The following ST6GAL2 variants were observed in gnomAD, a reference collection of about 807,000 sequenced individuals.
The protein encoded by ST6GAL2 is beta-galactoside alpha-2,6-sialyltransferase 2.
Under a neutral mutation model 37.5 loss-of-function variants are expected in ST6GAL2, and 24 were observed. The observed-to-expected ratio is 0.64, with a 90% confidence interval of 0.46 to 0.90. The LOEUF (loss-of-function observed/expected upper bound fraction) is 0.90, where lower values mean the gene tolerates loss of function less well. ST6GAL2 is among the 40% of genes least tolerant of loss of function. The pLI, the probability that ST6GAL2 is intolerant of heterozygous loss-of-function variation, is 0.00. For synonymous variants in ST6GAL2, 306 were observed against 295.1 expected (o/e 1.04, Z -0.38); for missense variants, 715 against 712.7 (o/e 1.00, Z -0.04).
intron 5 of ST6GAL2, among the ~76,000 whole-genome samples, chr2:106,814,705 C>A (rs1442587177): frequency 6.6e-6 from 1 of 152,140 alleles, no homozygotes; most frequent in South Asian, 2.1e-4. Flanking sequence ...ATGCAGGTGG[C>A]AAACCCATCC....
At chr2:106,885,309 G>A (rs1678933789) in intron 1 of ST6GAL2, among the ~76,000 whole-genome samples, 1 of 152,002 alleles carries the variant, frequency 6.6e-6, no homozygotes, top group Admixed American at 6.6e-5. Context: ...ATAAAAATAA[G>A]TTCACAAAAA....
chr2:106,865,295 G>C (rs979561634), intron 1 of ST6GAL2, among the ~76,000 whole-genome samples: 1 of 152,090 alleles, frequency 6.6e-6, no homozygotes, highest in African/African-American at 2.4e-5. Context: ...CCCTTAGAAG[G>C]GTACTAATTG....
intron 3 of ST6GAL2, among the ~76,000 whole-genome samples, chr2:106,833,804 T>C (rs1259990856): frequency 6.6e-6 from 1 of 152,158 alleles, no homozygotes; most frequent in African/African-American, 2.4e-5. Flanking sequence ...TATATTTCTA[T>C]TTCTACTGAT....
At position 106,843,408 on chromosome 2, in the gene ST6GAL2, G is replaced by T. The variant is rs142741001; in HGVS notation, c.570C>A (p.Asp190Glu). 5.0e-4 allele frequency: 805 copies of T among 1,614,080 alleles called. 4 individuals are homozygous for T. In the African/African-American group the frequency reaches 9.2e-3, roughly 19 times the overall value. The part of the protein sequence containing the change: ...QRRSHVLEEG[D>E]DGDRLYSSMS... ...TGGAGGAGTACAGCCTGTCGCCGTC[G>T]TCGCCCTCCTCCAACACGTGGCTCC... The change falls in exon 2 of 6, where the codon GAC becomes GAA. Residue 190 changes from aspartate to glutamate, a missense_variant. Physicochemically the swap from Asp to Glu is conservative, Grantham distance 45. This residue lies in a region of ST6GAL2 where 512 missense variants were observed against 488.8 expected (regional missense o/e 1.05). Coordinates refer to ENST00000409382, the MANE Select transcript of ST6GAL2 (RefSeq NM_001142351.2).
intron 1 of ST6GAL2, among the ~76,000 whole-genome samples, chr2:106,867,743 T>G (rs11677974): frequency 6.6e-6 from 1 of 151,822 alleles, no homozygotes; most frequent in Non-Finnish European, 1.5e-5. Flanking sequence ...TGGTTGTAAG[T>G]AGGCATTCAG....
In ST6GAL2 at chr2:106,831,309, C is replaced by T. The variant is rs373564961; in HGVS notation, c.1144-1069G>A. ...ATGGCAGCAAAGGCCTTACAGAAAG[C>T]GGCCTTGTCACTGGGATTTTAGCAC... On this transcript the variant is annotated intron_variant, in intron 4 of 5. Coordinates refer to ENST00000409382, the MANE Select transcript of ST6GAL2 (RefSeq NM_001142351.2). 1.1e-4 allele frequency among the ~76,000 whole-genome samples: 16 copies of T among 152,330 alleles called. No individual in the cohort carries two copies. The South Asian group carries it at 2.1e-3, about 20-fold the overall frequency.
Position 106,830,144 on chromosome 2 carries a change from T to G in ST6GAL2, c.1240A>C (p.Ile414Leu). 6.2e-7 allele frequency: 1 copy of G among 1,614,044 alleles called. No individual in the cohort carries two copies. Among genetic ancestry groups the G allele is most frequent in the Non-Finnish European group, 8.5e-7 (1 of 1,179,964 alleles). The part of the protein sequence containing the change: ...QPFYILHPKF[I>L]WQLWDIIQEN... ...TGGATAATATCCCAGAGCTGCCATA[T>G]AAATTTAGGATGAAGAATGTAAAAT... The change falls in exon 5 of 6, where the codon ATA becomes CTA. Residue 414 changes from isoleucine to leucine, a missense_variant. This residue lies in a region of ST6GAL2 where 198 missense variants were observed against 203.6 expected (regional missense o/e 0.97). Transcript: ENST00000409382.
At chr2:106,807,965 C>A (rs971433645) in intron 5 of ST6GAL2, among the ~76,000 whole-genome samples, 1 of 152,074 alleles carries the variant, frequency 6.6e-6, no homozygotes, top group African/African-American at 2.4e-5. Context: ...GGCTTTCTTT[C>A]TTTTCTCAAC....
At chr2:106,826,240 A>G (rs1252109313) in intron 5 of ST6GAL2, among the ~76,000 whole-genome samples, 1 of 152,220 alleles carries the variant, frequency 6.6e-6, no homozygotes, top group Non-Finnish European at 1.5e-5. Flanking sequence ...TAATTGGCTC[A>G]TAGTTCTGCA....
chr2:106,815,832 G>A (rs1448221966), intron 5 of ST6GAL2, among the ~76,000 whole-genome samples: 1 of 152,164 alleles, frequency 6.6e-6, no homozygotes, highest in Non-Finnish European at 1.5e-5. Flanking sequence ...AAAGTGACAG[G>A]CCAGGAGGGT....
At chr2:106,881,162 A>AT (rs897414810) in intron 1 of ST6GAL2, among the ~76,000 whole-genome samples, 2 of 151,840 alleles carry the variant, frequency 1.3e-5, no homozygotes, top group African/African-American at 4.8e-5. Context: ...ATTTTTGAAA[A>AT]TTTTTTTGTA....
At chr2:106,813,066 T>C in intron 5 of ST6GAL2, 2 of 1,233,158 alleles carry the variant, frequency 1.6e-6, no homozygotes, top group Non-Finnish European at 2.0e-6. Context: ...TGGGGCCAGC[T>C]GTTTTGAATC....
At chr2:106,874,094 T>C (rs1678394770) in intron 1 of ST6GAL2, among the ~76,000 whole-genome samples, 1 of 152,170 alleles carries the variant, frequency 6.6e-6, no homozygotes, top group Non-Finnish European at 1.5e-5. Flanking sequence ...CACAACATGC[T>C]CGATAGCTGG....
intron 5 of ST6GAL2, among the ~76,000 whole-genome samples, chr2:106,821,200 G>C (rs1675989010): frequency 6.6e-6 from 1 of 151,648 alleles, no homozygotes; most frequent in Non-Finnish European, 1.5e-5. Context: ...GGAACATAAA[G>C]TTGGCTTTTT....
At chr2:106,815,755 C>T (rs1368095828) in intron 5 of ST6GAL2, among the ~76,000 whole-genome samples, 4 of 152,190 alleles carry the variant, frequency 2.6e-5, no homozygotes, top group African/African-American at 9.7e-5. Context: ...TATAGCTACT[C>T]AGTGGTAGGG....
Position 106,843,154 on chromosome 2 carries a change from C to A in ST6GAL2, c.824G>T (p.Gly275Val). 6.4e-7 allele frequency: 1 copy of A among 1,563,124 alleles called. No homozygotes were observed. Among genetic ancestry groups the A allele is most frequent in the African/African-American group, 1.4e-5 (1 of 73,586 alleles). Residue 275 changes from glycine to valine, a missense_variant, in exon 2 of 6, where the codon GGC (glycine) becomes GTC (valine). This residue lies in a region of ST6GAL2 where 512 missense variants were observed against 488.8 expected (regional missense o/e 1.05). Transcript: ENST00000409382. Reference protein sequence around the residue: ...DGTEAPFSALGWRRLVPAVPL... With the variant: ...DGTEAPFSALVWRRLVPAVPL... ...CACGGCGGGCACCAGGCGCCGCCAG[C>A]CCAGCGCAGAAAAGGGCGCCTCGGT...
intron 2 of ST6GAL2, among the ~76,000 whole-genome samples, chr2:106,835,373 C>G (rs535828724): frequency 5.9e-5 from 9 of 152,292 alleles, no homozygotes; most frequent in Admixed American, 1.3e-4. Context: ...TTGGAGTTGT[C>G]TTCTTGCTCC....
At position 106,886,143 on chromosome 2, in the gene ST6GAL2, G is replaced by A. The variant is rs555123207; in HGVS notation, c.-108C>T. ...GAAGCGCACGACACCGTGGTGCTCG[G>A]TGCTCCCCCTGGCAGCGCGGCACTG... is the stretch of plus-strand genomic sequence containing the variant. On this transcript the variant is annotated 5_prime_UTR_variant, in exon 1 of 6. Transcript: ENST00000409382. The A allele has an allele frequency of 2.0e-5, 3 of 152,430 alleles. No homozygotes were observed. The highest frequency in any genetic ancestry group is 3.4e-3 in the Middle Eastern group (1 of 296). 9.4% of individuals were successfully genotyped at this position (152,430 alleles called of 1,614,324 possible). A position where few individuals can be genotyped will look rare whatever the true frequency, so the allele number is the denominator to read the frequency against.
At chr2:106,841,583 CCTGGGAAG>C (rs1676886028) in intron 2 of ST6GAL2, among the ~76,000 whole-genome samples, 1 of 152,242 alleles carries the variant, frequency 6.6e-6, no homozygotes, top group South Asian at 2.1e-4. Context: ...GTGGAATTAG[CCTGGGAAG>C]AAGGGGGGTT....
Sources: gnomAD v4.1 joint callset for allele counts (sites outside exome capture counted in the v4.1 genomes callset) on GRCh38, gnomAD v4.1.1 for gene constraint, gnomAD v4.1.1 regional missense constraint, MANE v1.5 for transcripts, NCBI Gene and HGNC (gene_info 2026-07-23, HGNC 2026-07-21) for gene names.